MAGI2: variants seen among roughly 807,000 people sequenced by gnomAD.
MAGI2 encodes membrane-associated guanylate kinase, WW and PDZ domain-containing protein 2.
In MAGI2, 35 loss-of-function variants were observed where a neutral mutation model predicts 133.3. The ratio of observed to expected loss-of-function variants is 0.26; its 90% CI spans 0.20 to 0.35. The LOEUF is 0.35. Among genes scored for constraint, MAGI2 ranks in the 10% least tolerant of loss-of-function variants. The pLI, the probability that MAGI2 is intolerant of heterozygous loss-of-function variation, is 1.00. For missense variants in MAGI2, 1,636 were observed against 1,863.4 expected, an observed-to-expected ratio of 0.88 and a Z score of 2.25; for synonymous variants, 729 against 710.6, an observed-to-expected ratio of 1.03 and a Z score of -0.41.
chr7:78,571,757 C>CA (rs1331034062), intron 3 of MAGI2, among the ~76,000 whole-genome samples: 1 of 152,032 alleles, frequency 6.6e-6, no homozygotes, highest in Non-Finnish European at 1.5e-5. Flanking sequence ...TATGAGAAAG[C>CA]AATGATAATT....
intron 1 of MAGI2, among the ~76,000 whole-genome samples, chr7:79,094,274 A>G (rs1817334970): frequency 6.6e-6 from 1 of 152,206 alleles, no homozygotes; most frequent in Non-Finnish European, 1.5e-5. Flanking sequence ...TTGCTTTTCA[A>G]TAAGAAGCAA....
chr7:78,783,855 C>A (rs1447834291), intron 2 of MAGI2, among the ~76,000 whole-genome samples: 1 of 152,160 alleles, frequency 6.6e-6, no homozygotes, highest in Non-Finnish European at 1.5e-5. Context: ...GAAAAACTCA[C>A]CATATTTCTA....
chr7:78,789,494 C>T (rs986061771), intron 2 of MAGI2, among the ~76,000 whole-genome samples: 1 of 152,032 alleles, frequency 6.6e-6, no homozygotes, highest in African/African-American at 2.4e-5. Flanking sequence ...TCTTTTAGGA[C>T]TAAAGAGTAA....
intron 3 of MAGI2, among the ~76,000 whole-genome samples, chr7:78,523,348 C>G (rs1048521412): frequency 6.6e-6 from 1 of 151,658 alleles, no homozygotes; most frequent in Non-Finnish European, 1.5e-5. Flanking sequence ...GATAATTGCC[C>G]GACGCCCGTA....
At chr7:78,673,047 T>G (rs895185870) in intron 2 of MAGI2, among the ~76,000 whole-genome samples, 1 of 152,202 alleles carries the variant, frequency 6.6e-6, no homozygotes, top group Non-Finnish European at 1.5e-5. Context: ...CAAAAATGTT[T>G]CTTTTCATCT....
chr7:78,667,756 T>C (rs1311410358), intron 2 of MAGI2, among the ~76,000 whole-genome samples: 1 of 152,076 alleles, frequency 6.6e-6, no homozygotes, highest in African/African-American at 2.4e-5. Context: ...TTCCATGGTG[T>C]ATATGTGCCA....
chr7:78,176,427 C>T (rs1304392688), intron 14 of MAGI2, among the ~76,000 whole-genome samples: 7 of 152,058 alleles, frequency 4.6e-5, no homozygotes, highest in Non-Finnish European at 1.0e-4. Context: ...GGAGTATAAG[C>T]TCAGCTTCCT....
intron 10 of MAGI2, among the ~76,000 whole-genome samples, chr7:78,250,522 G>GA (rs1329836886): frequency 6.6e-6 from 1 of 151,886 alleles, no homozygotes; most frequent in Non-Finnish European, 1.5e-5. Context: ...AAGCTGGAGA[G>GA]AAAAAACTAT....
intron 1 of MAGI2, among the ~76,000 whole-genome samples, chr7:79,030,022 G>A (rs563676668): frequency 1.3e-5 from 2 of 152,200 alleles, no homozygotes; most frequent in South Asian, 2.1e-4. Flanking sequence ...CGCATTCAAC[G>A]CCTCTGAGGA....
chr7:78,090,234 T>G (rs1431190259), intron 20 of MAGI2, among the ~76,000 whole-genome samples: 1 of 152,252 alleles, frequency 6.6e-6, no homozygotes, highest in Non-Finnish European at 1.5e-5. Flanking sequence ...CTTATAGCAC[T>G]TACAGTCACA....
intron 1 of MAGI2, chr7:79,353,751 C>G (rs1353622093): frequency 4.0e-6 from 1 of 248,462 alleles, no homozygotes; most frequent in Admixed American, 4.5e-5. Flanking sequence ...TAGGTCTGAA[C>G]CTGGATGCTG....
At chr7:78,134,970 A>G in intron 17 of MAGI2, 51 bp downstream of exon 17, 2 of 1,526,028 alleles carry the variant, frequency 1.3e-6, no homozygotes, top group Non-Finnish European at 9.0e-7. Flanking sequence ...ACACCCGGTG[A>G]GTGTGTCCAT....
At chr7:78,723,356 C>A (rs1820443980) in intron 2 of MAGI2, among the ~76,000 whole-genome samples, 1 of 152,122 alleles carries the variant, frequency 6.6e-6, no homozygotes, top group Admixed American at 6.6e-5. Flanking sequence ...AAGGCCTGGG[C>A]CCTAACACAT....
chr7:78,171,898 TTTG>T (rs1826144501), intron 14 of MAGI2, among the ~76,000 whole-genome samples: 2 of 87,214 alleles, frequency 2.3e-5, no homozygotes, highest in South Asian at 3.3e-4. Flanking sequence ...TGTTTGTTTG[TTTG>T]TTTTTTTTTC....
intron 2 of MAGI2, among the ~76,000 whole-genome samples, chr7:78,680,525 T>C (rs1020049141): frequency 1.3e-5 from 2 of 152,022 alleles, no homozygotes; most frequent in African/African-American, 4.8e-5. Flanking sequence ...CCTTTTAGGG[T>C]TCATGTAATA....
At chr7:78,492,970 A>G (rs1793760044) in intron 5 of MAGI2, among the ~76,000 whole-genome samples, 1 of 152,190 alleles carries the variant, frequency 6.6e-6, no homozygotes, top group African/African-American at 2.4e-5. Flanking sequence ...GATCATGAAA[A>G]GTGAGAGGTC....
intron 13 of MAGI2, 75 bp from the exon 14 acceptor site, chr7:78,178,177 G>A: frequency 1.1e-6 from 1 of 909,050 alleles, no homozygotes; most frequent in Non-Finnish European, 1.8e-6. Flanking sequence ...ACATACCAAT[G>A]ATAAATTAAT....
At chr7:78,634,714 A>C (rs770351532) in intron 2 of MAGI2, among the ~76,000 whole-genome samples, 14 of 152,204 alleles carry the variant, frequency 9.2e-5, no homozygotes, top group Non-Finnish European at 1.8e-4. Flanking sequence ...TTGACAGCAA[A>C]GCAAGACTCA....
At chr7:78,053,777 A>C (rs1358419740) in intron 21 of MAGI2, among the ~76,000 whole-genome samples, 1 of 152,194 alleles carries the variant, frequency 6.6e-6, no homozygotes, top group African/African-American at 2.4e-5. Flanking sequence ...AAGGATGACA[A>C]AAACGCGAAG....
Sources: allele counts gnomAD v4.1 joint callset (sites outside exome capture counted in the v4.1 genomes callset), GRCh38; gene constraint gnomAD v4.1.1; transcripts MANE v1.5; gene names NCBI Gene and HGNC (gene_info 2026-07-23, HGNC 2026-07-21).